The following EIF2AK3 variants were observed in gnomAD, a reference collection of about 807,000 sequenced individuals.
EIF2AK3 encodes eukaryotic translation initiation factor 2-alpha kinase 3.
In EIF2AK3, 50 loss-of-function variants were observed where a neutral mutation model predicts 113.5. That is an observed-to-expected ratio of 0.44 (90% CI 0.35 to 0.56). The LOEUF (loss-of-function observed/expected upper bound fraction) is 0.56. EIF2AK3 is among the 20% of genes least tolerant of loss of function. The pLI is 0.00. For synonymous variants in EIF2AK3, 448 were observed against 495.4 expected (o/e 0.90, Z 1.27); for missense variants, 1,185 against 1,378.0 (o/e 0.86, Z 2.22).
chr2:88,617,595 AT>A (rs1675616284), intron 1 of EIF2AK3, among the ~76,000 whole-genome samples: 1 of 151,818 alleles, frequency 6.6e-6, no homozygotes, highest in Non-Finnish European at 1.5e-5. Context: ...CTCTACTAAA[AT>A]ATAAAAAAAA....
chr2:88,595,048 C>G (rs1305932741), intron 3 of EIF2AK3, among the ~76,000 whole-genome samples: 2 of 150,544 alleles, frequency 1.3e-5, no homozygotes, highest in African/African-American at 2.4e-5. Context: ...CAAAAATTAG[C>G]CAAGCATGGT....
intron 13 of EIF2AK3, chr2:88,574,379 C>G (rs1429197655): frequency 6.6e-6 from 3 of 451,162 alleles, no homozygotes; most frequent in Non-Finnish European, 1.2e-5. Flanking sequence ...CCTAAAGATT[C>G]TTTTTTCTTT....
intron 10 of EIF2AK3, among the ~76,000 whole-genome samples, chr2:88,581,806 G>A (rs1400435635): frequency 2.6e-5 from 4 of 152,152 alleles, no homozygotes; most frequent in Non-Finnish European, 5.9e-5. Flanking sequence ...TTATGAAATT[G>A]ACTGTTTTTA....
At chr2:88,574,457 A>G (rs1674398659) in intron 13 of EIF2AK3, 2 of 606,502 alleles carry the variant, frequency 3.3e-6, no homozygotes, top group Admixed American at 2.9e-5. Flanking sequence ...ATTACTGAAG[A>G]CAATGAATGC....
At position 88,562,305 on chromosome 2, in the gene EIF2AK3, T is replaced by C. The variant is rs1242197456; in HGVS notation, c.3071A>G (p.Gln1024Arg). 2 of 1,613,686 alleles carry C rather than the reference T, an allele frequency of 1.2e-6. No homozygotes were observed. Among genetic ancestry groups the C allele is most frequent in the Non-Finnish European group, 1.7e-6 (2 of 1,179,714 alleles). The change falls in exon 15 of 17, where the codon CAG (glutamine) becomes CGG (arginine). Residue 1024 changes from glutamine (Q) to arginine (R), a missense_variant. Coordinates refer to ENST00000303236, the MANE Select transcript of EIF2AK3 (RefSeq NM_004836.7). The part of the protein sequence containing the change: ...LFELLYPFST[Q>R]MERVRTLTDV... Reference sequence around the variant, plus strand: ...GGTACTTACCCTGACTCTCTCCATCTGAGTGCTGAATGGATACAGCAATTC... The same window carrying C: ...GGTACTTACCCTGACTCTCTCCATCCGAGTGCTGAATGGATACAGCAATTC...
Position 88,590,526 on chromosome 2 carries a change from T to A in EIF2AK3, c.1082A>T (p.Tyr361Phe). ...IPISLFDDTS[Y>F]TSNDDVLEDE... ...TTCTAAAACATCATCATTAGATGTA[T>A]AACTTGTATCATCAAAAAGACTGAT... is the stretch of plus-strand genomic sequence containing the variant. The change falls in exon 6 of 17, where the codon TAT becomes TTT. Residue 361 changes from tyrosine (Y) to phenylalanine (F), a missense_variant. This residue lies in a region of EIF2AK3 where 877 missense variants were observed against 1,024.2 expected (regional missense o/e 0.86). Transcript: ENST00000303236. The A allele has an allele frequency of 6.2e-7, 1 of 1,613,792 alleles. No individual in the cohort carries two copies.
chr2:88,613,350 C>A (rs1675498933), intron 2 of EIF2AK3, among the ~76,000 whole-genome samples: 1 of 152,142 alleles, frequency 6.6e-6, no homozygotes, highest in Admixed American at 6.5e-5. Flanking sequence ...GCACAGATTT[C>A]TAACTAGTAA....
intron 2 of EIF2AK3, among the ~76,000 whole-genome samples, chr2:88,596,546 T>C (rs1172582423): frequency 2.6e-5 from 4 of 152,092 alleles, no homozygotes; most frequent in Non-Finnish European, 5.9e-5. Context: ...AATAAAGAGC[T>C]TAGGGTAGAC....
chr2:88,616,982 T>C (rs938781569), intron 1 of EIF2AK3, among the ~76,000 whole-genome samples: 2 of 152,166 alleles, frequency 1.3e-5, no homozygotes. Context: ...CCCAGAAGCA[T>C]GTCTCTGGAA....
chr2:88,627,443 G>C lies in EIF2AK3; in HGVS notation c.-169C>G. 1.3e-6 allele frequency: 1 copy of C among 797,492 alleles called. No individual in the cohort carries two copies. Among genetic ancestry groups the C allele is most frequent in the Non-Finnish European group, 1.7e-6 (1 of 579,942 alleles). 49.4% of individuals were successfully genotyped at this position (797,492 alleles called of 1,614,324 possible). On this transcript the variant is annotated 5_prime_UTR_variant, in exon 1 of 17. Coordinates refer to ENST00000303236, the MANE Select transcript of EIF2AK3 (RefSeq NM_004836.7). Reference sequence around the variant, plus strand: ...GCCACGTCTCAGCCCGGCCTCTGCCGCTGCCACCTGAGTGACAGCCTATCT... The same window carrying C: ...GCCACGTCTCAGCCCGGCCTCTGCCCCTGCCACCTGAGTGACAGCCTATCT...
At chr2:88,571,141 T>G in intron 13 of EIF2AK3, 100 bp from the exon 14 acceptor site, 1 of 1,357,272 alleles carries the variant, frequency 7.4e-7, no homozygotes, top group Non-Finnish European at 1.0e-6. Flanking sequence ...TACAACAAAC[T>G]AGATATTTTC....
intron 14 of EIF2AK3, among the ~76,000 whole-genome samples, chr2:88,567,233 A>AT (rs1461295081): frequency 6.6e-6 from 1 of 151,734 alleles, no homozygotes; most frequent in Non-Finnish European, 1.5e-5. Context: ...TTAAATTATA[A>AT]TCCAACCTGA....
In EIF2AK3 at chr2:88,590,559, A is replaced by C; in HGVS notation, c.1049T>G (p.Val350Gly). ...ATCATCAAAAAGACTGATGGGAATG[A>C]CTTTCCCATCCTTAAGTAACCAGGC... ...ASAWLLKDGKVIPISLFDDTS... is the reference protein window; with the variant it reads ...ASAWLLKDGKGIPISLFDDTS... Residue 350 changes from valine (V) to glycine (G), a missense_variant, in exon 6 of 17, where the codon GTC becomes GGC. Val to Gly is a moderately radical substitution (Grantham distance 109). Around this residue, in one of 3 missense-constraint regions of EIF2AK3, gnomAD observed 877 missense variants for 1,024.2 expected, o/e 0.86. Transcript: ENST00000303236. The C allele has an allele frequency of 6.2e-7, 1 of 1,613,332 alleles. No individual in the cohort carries two copies. The highest frequency in any genetic ancestry group is 8.5e-7 in the Non-Finnish European group (1 of 1,179,790).
intron 1 of EIF2AK3, among the ~76,000 whole-genome samples, chr2:88,622,254 A>G (rs1018456542): frequency 6.6e-6 from 1 of 152,236 alleles, no homozygotes; most frequent in African/African-American, 2.4e-5. Flanking sequence ...TTAAACACAC[A>G]AATTTATCTC....
chr2:88,557,768 T>TG lies in EIF2AK3; in HGVS notation c.3318dup (p.Asn1107GlnfsTer5), dbSNP rs1219586995. ...CTTGGCAAAGGGCTATGGGAGTTGT[T>TG]GGACTGTCTTGAATGTTTTGTTCCC... On this transcript the variant is annotated frameshift_variant, in exon 17 of 17. Coordinates refer to ENST00000303236, the MANE Select transcript of EIF2AK3 (RefSeq NM_004836.7). LOFTEE classifies it high-confidence loss of function. 1 of 1,614,140 alleles carries TG rather than the reference T, an allele frequency of 6.2e-7. No homozygotes were observed.
At chr2:88,607,567 C>T (rs1038491647) in intron 2 of EIF2AK3, among the ~76,000 whole-genome samples, 5 of 152,252 alleles carry the variant, frequency 3.3e-5, no homozygotes, top group Admixed American at 3.3e-4. Flanking sequence ...ACAATTCATT[C>T]TAAATGTAAT....
chr2:88,582,952 T>C (rs1280681311), intron 10 of EIF2AK3, among the ~76,000 whole-genome samples: 1 of 152,202 alleles, frequency 6.6e-6, no homozygotes, highest in Non-Finnish European at 1.5e-5. Flanking sequence ...ATAGCTTCTT[T>C]ACTTTTATTT....
intron 15 of EIF2AK3, among the ~76,000 whole-genome samples, chr2:88,559,755 C>G (rs879625165): frequency 6.6e-6 from 1 of 152,130 alleles, no homozygotes; most frequent in African/African-American, 2.4e-5. Context: ...AGCATGTTTT[C>G]AAGATTCATC....
intron 2 of EIF2AK3, among the ~76,000 whole-genome samples, chr2:88,603,534 T>A (rs568259960): frequency 1.3e-5 from 2 of 152,212 alleles, no homozygotes; most frequent in Non-Finnish European, 2.9e-5. Flanking sequence ...TATGGAAGTA[T>A]TTATATTTAT....
Sources: gnomAD v4.1 joint callset for allele counts (sites outside exome capture counted in the v4.1 genomes callset) on GRCh38, gnomAD v4.1.1 for gene constraint, gnomAD v4.1.1 regional missense constraint, MANE v1.5 for transcripts, NCBI Gene and HGNC (gene_info 2026-07-23, HGNC 2026-07-21) for gene names.